The following NFATC2 variants were observed in gnomAD, a reference collection of about 807,000 sequenced individuals.
The protein encoded by NFATC2 is nuclear factor of activated T-cells, cytoplasmic 2.
Under a neutral mutation model 87.3 loss-of-function variants are expected in NFATC2, and 22 were observed. That is an observed-to-expected ratio of 0.25 (90% CI 0.18 to 0.36). The LOEUF (loss-of-function observed/expected upper bound fraction) is 0.36. NFATC2 is among the 10% of genes least tolerant of loss of function. The pLI is 1.00. For synonymous variants in NFATC2, 565 were observed against 542.2 expected (o/e 1.04, Z -0.58); for missense variants, 1,149 against 1,259.1 (o/e 0.91, Z 1.32).
At chr20:51,536,632 G>C (rs1039690728) in intron 1 of NFATC2, among the ~76,000 whole-genome samples, 1 of 152,190 alleles carries the variant, frequency 6.6e-6, no homozygotes, top group African/African-American at 2.4e-5. Flanking sequence ...AAAGAACACA[G>C]GGGCTTGAAT....
intron 1 of NFATC2, among the ~76,000 whole-genome samples, chr20:51,533,369 C>G (rs988017604): frequency 4.6e-5 from 7 of 152,190 alleles, no homozygotes; most frequent in Non-Finnish European, 2.9e-5. Context: ...CACGCCCCAC[C>G]CAGTCACACA....
At chr20:51,415,580 G>T (rs1979939383) in intron 9 of NFATC2, among the ~76,000 whole-genome samples, 1 of 152,160 alleles carries the variant, frequency 6.6e-6, no homozygotes, top group African/African-American at 2.4e-5. Context: ...CAGTGACATG[G>T]AATCAACAGC....
At chr20:51,410,446 G>T (rs1031806293) in intron 9 of NFATC2, among the ~76,000 whole-genome samples, 1 of 152,070 alleles carries the variant, frequency 6.6e-6, no homozygotes, top group South Asian at 2.1e-4. Flanking sequence ...TTTAAGCTTA[G>T]GGGGAGGGGT....
intron 1 of NFATC2, among the ~76,000 whole-genome samples, chr20:51,554,619 C>T (rs1047016867): frequency 6.6e-6 from 1 of 152,182 alleles, no homozygotes; most frequent in South Asian, 2.1e-4. Flanking sequence ...CCTTAAAGTA[C>T]CCCCATGTGT....
At chr20:51,452,734 C>T (rs998466540) in intron 6 of NFATC2, among the ~76,000 whole-genome samples, 1 of 152,256 alleles carries the variant, frequency 6.6e-6, no homozygotes, top group Non-Finnish European at 1.5e-5. Flanking sequence ...CACTCAACCT[C>T]TTCCCCTTCC....
At position 51,427,491 on chromosome 20, in the gene NFATC2, G is replaced by A. The variant is rs1023562834; in HGVS notation, c.2722+4576C>T. On this transcript the variant is annotated intron_variant, in intron 9 of 10. Transcript: ENST00000371564. ...GGGCACACTCCCTGTGAAATGCACC[G>A]CCTTCCATCATGCTCCTGTCACGGG... Among the ~76,000 whole-genome samples the A allele has an allele frequency of 5.9e-5, 9 of 152,218 alleles. No homozygotes were observed. In the East Asian group the frequency reaches 1.5e-3, roughly 26 times the overall value.
At chr20:51,399,326 T>A (rs1416864794) in intron 9 of NFATC2, 3 of 152,514 alleles carry the variant, frequency 2.0e-5, no homozygotes, top group Non-Finnish European at 4.4e-5. Context: ...ATAATACTCC[T>A]CTCTACATGT....
chr20:51,510,844 C>A (rs1380035538), intron 3 of NFATC2, among the ~76,000 whole-genome samples: 4 of 152,176 alleles, frequency 2.6e-5, no homozygotes, highest in African/African-American at 9.7e-5. Flanking sequence ...AGGGTTCGTT[C>A]TGTAACTAGA....
intron 5 of NFATC2, among the ~76,000 whole-genome samples, chr20:51,459,794 G>A (rs767732550): frequency 7.9e-5 from 12 of 152,060 alleles, no homozygotes; most frequent in Non-Finnish European, 1.3e-4. Context: ...TGGGAGAATC[G>A]CTTGAACCCA....
At chr20:51,406,242 G>T (rs775304577) in intron 9 of NFATC2, among the ~76,000 whole-genome samples, 4 of 152,188 alleles carry the variant, frequency 2.6e-5, no homozygotes, top group African/African-American at 9.7e-5. Flanking sequence ...ATAGAAATTC[G>T]TTTTCACTTA....
rs183086130 is a variant in NFATC2, at chr20:51,461,068, C to A, written c.1709-6380G>T. 1.9e-3 allele frequency among the ~76,000 whole-genome samples: 289 copies of A among 152,336 alleles called. 1 individual carries two copies. The highest frequency in any genetic ancestry group is 6.6e-3 in the African/African-American group (275 of 41,592). On this transcript the variant is annotated intron_variant, in intron 5 of 10. Coordinates refer to ENST00000371564, the MANE Select transcript of NFATC2 (RefSeq NM_012340.5). ...GGGCAGGCCCCAGTCCTCAGAGAAC[C>A]CAGAGGCAAAGCAATTAGCTTTTGA...
chr20:51,409,574 G>A (rs1243038782), intron 9 of NFATC2, among the ~76,000 whole-genome samples: 1 of 152,188 alleles, frequency 6.6e-6, no homozygotes, highest in Non-Finnish European at 1.5e-5. Flanking sequence ...CCTCAGAGAT[G>A]AGCCCACCAG....
At chr20:51,407,590 G>A (rs567570069) in intron 9 of NFATC2, among the ~76,000 whole-genome samples, 4 of 152,174 alleles carry the variant, frequency 2.6e-5, no homozygotes, top group Non-Finnish European at 4.4e-5. Context: ...GGTCACAAAG[G>A]AGGAGACAGT....
chr20:51,431,443 C>A (rs1982687939), intron 9 of NFATC2, among the ~76,000 whole-genome samples: 1 of 152,202 alleles, frequency 6.6e-6, no homozygotes, highest in Non-Finnish European at 1.5e-5. Context: ...TCCTCTGCAT[C>A]TTTTCCTTGG....
At chr20:51,550,250 C>T (rs995749852) in intron 1 of NFATC2, among the ~76,000 whole-genome samples, 1 of 152,014 alleles carries the variant, frequency 6.6e-6, no homozygotes, top group Non-Finnish European at 1.5e-5. Flanking sequence ...GAGCCATGAT[C>T]GCACCACTGC....
At chr20:51,548,804 AC>A (rs2076909761) in intron 1 of NFATC2, among the ~76,000 whole-genome samples, 1 of 152,206 alleles carries the variant, frequency 6.6e-6, no homozygotes, top group Non-Finnish European at 1.5e-5. Flanking sequence ...ATAAAACTGC[AC>A]CACTAGGAGA....
At chr20:51,437,112 CAAAAAAA>C (rs3029278) in intron 6 of NFATC2, among the ~76,000 whole-genome samples, 2 of 130,750 alleles carry the variant, frequency 1.5e-5, no homozygotes, top group African/African-American at 6.1e-5. Flanking sequence ...GAAGTTGGGC[CAAAAAAA>C]AAAAAAAAAA....
chr20:51,515,481 T>C (rs2076337039), intron 3 of NFATC2, among the ~76,000 whole-genome samples: 1 of 152,238 alleles, frequency 6.6e-6, no homozygotes, highest in Non-Finnish European at 1.5e-5. Context: ...TCAAGTTAGA[T>C]ACACCTTGTG....
At chr20:51,415,422 C>G (rs1979909961) in intron 9 of NFATC2, among the ~76,000 whole-genome samples, 1 of 152,116 alleles carries the variant, frequency 6.6e-6, no homozygotes, top group Non-Finnish European at 1.5e-5. Flanking sequence ...CAGCAGGTAT[C>G]TGGATGGACC....
Sources: gnomAD v4.1 joint callset for allele counts (sites outside exome capture counted in the v4.1 genomes callset) on GRCh38, gnomAD v4.1.1 for gene constraint, MANE v1.5 for transcripts, NCBI Gene and HGNC (gene_info 2026-07-23, HGNC 2026-07-21) for gene names.